The following LCOR variants were observed in gnomAD, a reference collection of about 807,000 sequenced individuals.
The protein encoded by LCOR is ligand dependent nuclear receptor corepressor.
LCOR carries 14 observed loss-of-function variants against 64.4 expected under a neutral mutation model. The observed-to-expected ratio is 0.22, with a 90% CI of 0.14 to 0.34. The LOEUF (loss-of-function observed/expected upper bound fraction) is 0.34, where lower values mean the gene tolerates loss of function less well. Among genes scored for constraint, LCOR ranks in the 10% least tolerant of loss-of-function variants. LCOR has a pLI of 1.00. For missense variants in LCOR, 1,686 were observed against 1,765.3 expected, an observed-to-expected ratio of 0.96 and a Z score of 0.80; for synonymous variants, 643 against 642.5, an observed-to-expected ratio of 1.00 and a Z score of -0.01.
intron 2 of LCOR, among the ~76,000 whole-genome samples, chr10:96,854,673 G>T (rs1845774424): frequency 6.6e-6 from 1 of 152,116 alleles, no homozygotes. Context: ...GCACTTAATA[G>T]GTGCTAAGCA....
chr10:96,945,827 A>G (rs1334086668), intron 5 of LCOR, among the ~76,000 whole-genome samples: 1 of 152,124 alleles, frequency 6.6e-6, no homozygotes, highest in Non-Finnish European at 1.5e-5. Flanking sequence ...AATAAAGTCA[A>G]TCATAAGACT....
intron 7 of LCOR, chr10:96,955,845 C>T (rs1288633652): frequency 1.6e-5 from 26 of 1,613,960 alleles, no homozygotes; most frequent in Non-Finnish European, 2.1e-5. Context: ...GTCGGAGGGG[C>T]CAGATGTTTC....
At chr10:96,956,342 T>C (rs1847783390) in intron 7 of LCOR, 1 of 988,216 alleles carries the variant, frequency 1.0e-6, no homozygotes. Flanking sequence ...ACTGGGAGCT[T>C]TATCACTGCA....
chr10:96,840,918 G>A (rs954851988), intron 2 of LCOR, among the ~76,000 whole-genome samples: 5 of 152,198 alleles, frequency 3.3e-5, no homozygotes, highest in Admixed American at 6.5e-5. Context: ...CAGGCAAGTC[G>A]CTTGAGCCCA....
chr10:96,836,187 A>G (rs1471511595), intron 2 of LCOR, among the ~76,000 whole-genome samples: 1 of 152,230 alleles, frequency 6.6e-6, no homozygotes, highest in Non-Finnish European at 1.5e-5. Context: ...AATTCTAGGA[A>G]GTATTTGAAC....
chr10:96,833,457 T>C lies in LCOR; in HGVS notation c.-352T>C. On this transcript the variant is annotated 5_prime_UTR_variant, in exon 2 of 8. Coordinates refer to ENST00000421806, the MANE Select transcript of LCOR (RefSeq NM_001346516.2). ...GGCGGGACCATAAGGGCTTAACTCATATATTTAACCCCCCTCCAAAAAGTA... is the reference window on the plus strand; with the variant it reads ...GGCGGGACCATAAGGGCTTAACTCACATATTTAACCCCCCTCCAAAAAGTA... 1.0e-6 allele frequency: 1 copy of C among 985,998 alleles called. No homozygotes were observed. Among genetic ancestry groups the C allele is most frequent in the Non-Finnish European group, 1.2e-6 (1 of 830,064 alleles). The allele number at this position is 985,998 out of a possible 1,614,324, so 61.1% of individuals were successfully genotyped here. A position where few individuals can be genotyped will look rare whatever the true frequency, so the allele number is the denominator to read the frequency against.
chr10:96,975,074 G>A (rs1848026839), intron 7 of LCOR, among the ~76,000 whole-genome samples: 1 of 152,226 alleles, frequency 6.6e-6, no homozygotes. Context: ...GGGGGGCTGA[G>A]GCCCAAGAAT....
chr10:96,886,058 A>G (rs907830086), intron 2 of LCOR, among the ~76,000 whole-genome samples: 3 of 152,030 alleles, frequency 2.0e-5, no homozygotes, highest in African/African-American at 7.2e-5. Flanking sequence ...TTTTATTTCT[A>G]GTAGAGACGA....
chr10:96,850,528 C>A (rs185595958), intron 2 of LCOR, among the ~76,000 whole-genome samples: 28 of 152,202 alleles, frequency 1.8e-4, no homozygotes, highest in Admixed American at 1.6e-3. Context: ...ATCTCTGTCA[C>A]CCAGGCTGGA....
chr10:96,895,785 T>A (rs1474254154), intron 2 of LCOR, among the ~76,000 whole-genome samples: 1 of 152,228 alleles, frequency 6.6e-6, no homozygotes, highest in Non-Finnish European at 1.5e-5. Context: ...GCTTGTTCCC[T>A]CACTTCATTG....
At chr10:96,858,651 G>A (rs1210844885) in intron 2 of LCOR, among the ~76,000 whole-genome samples, 2 of 152,170 alleles carry the variant, frequency 1.3e-5, no homozygotes, top group Non-Finnish European at 2.9e-5. Flanking sequence ...TACTTTTGGG[G>A]ATGATCATAA....
At position 96,832,298 on chromosome 10, in the gene LCOR, A is replaced by G. The variant is rs1186811909; in HGVS notation, c.-505A>G. Reference sequence around the variant, plus strand: ...GCGGAGGCTGGGCCGGGCGGGCGGCAGAAGATGGCGAGGGTGTGTAGGCGG... The same window carrying G: ...GCGGAGGCTGGGCCGGGCGGGCGGCGGAAGATGGCGAGGGTGTGTAGGCGG... On this transcript the variant is annotated 5_prime_UTR_variant, in exon 1 of 8. Transcript: ENST00000421806. The G allele has an allele frequency of 4.1e-6, 4 of 980,610 alleles. No individual in the cohort carries two copies. The highest frequency in any genetic ancestry group is 4.7e-5 in the South Asian group (1 of 21,188). 60.7% of individuals were successfully genotyped at this position (980,610 alleles called of 1,614,324 possible). A position where few individuals can be genotyped will look rare whatever the true frequency, so the allele number is the denominator to read the frequency against.
chr10:96,952,490 T>G (rs369934380), intron 7 of LCOR, among the ~76,000 whole-genome samples: 12 of 152,308 alleles, frequency 7.9e-5, no homozygotes, highest in African/African-American at 2.4e-4. Flanking sequence ...AAAGTTTAGA[T>G]GTAAAGACAG....
At chr10:96,927,348 T>C (rs915031891) in intron 4 of LCOR, among the ~76,000 whole-genome samples, 12 of 152,224 alleles carry the variant, frequency 7.9e-5, no homozygotes, top group African/African-American at 2.6e-4. Context: ...AACATTATTA[T>C]AAGTTATAAT....
chr10:96,978,352 T>C (rs1377097002), intron 7 of LCOR, among the ~76,000 whole-genome samples: 3 of 152,264 alleles, frequency 2.0e-5, no homozygotes, highest in Admixed American at 6.5e-5. Context: ...TTATTCCATA[T>C]GCTGCCTTTT....
intron 2 of LCOR, among the ~76,000 whole-genome samples, chr10:96,849,052 G>C (rs980872241): frequency 1.5e-5 from 2 of 133,182 alleles, no homozygotes; most frequent in Non-Finnish European, 3.2e-5. Context: ...CTGTCACCTG[G>C]CTAATTGTCT....
At chr10:96,903,124 C>T (rs369956419) in intron 2 of LCOR, among the ~76,000 whole-genome samples, 9 of 152,078 alleles carry the variant, frequency 5.9e-5, no homozygotes, top group African/African-American at 2.2e-4. Flanking sequence ...GTGGATAGGG[C>T]ACTTACCATA....
chr10:96,882,101 G>A (rs768970384), intron 2 of LCOR, among the ~76,000 whole-genome samples: 62 of 151,758 alleles, frequency 4.1e-4, no homozygotes, highest in Non-Finnish European at 3.8e-4. Context: ...TTAATTATTC[G>A]AACTAATAAC....
rs748863230 is a variant in LCOR at position 96,983,343 on chromosome 10, C to T, written c.2883C>T (p.Ile961=). 6.2e-7 allele frequency: 1 copy of T among 1,614,150 alleles called. No individual in the cohort carries two copies. Reference sequence around the variant, plus strand: ...AAATGGATGAGAAGAATGCTCATATCCCCTCAGAAAGTATTGCTTGTAAGA... The same window carrying T: ...AAATGGATGAGAAGAATGCTCATATTCCCTCAGAAAGTATTGCTTGTAAGA... ...QSKMDEKNAH[I]PSESIACKRD... The change falls in exon 8 of 8, where the codon ATC becomes ATT. Residue 961 remains isoleucine (I), a synonymous_variant. Transcript: ENST00000421806. The surrounding 1 kb of genome is among the most constrained non-coding windows in gnomAD (Gnocchi z 4.5).
Sources: allele counts gnomAD v4.1 joint callset (sites outside exome capture counted in the v4.1 genomes callset), GRCh38; gene constraint gnomAD v4.1.1; non-coding constraint Gnocchi (gnomAD v3.1); transcripts MANE v1.5; gene names NCBI Gene and HGNC (gene_info 2026-07-23, HGNC 2026-07-21).